The following PPM1E variants were observed in gnomAD, a reference collection of about 807,000 sequenced individuals.
PPM1E encodes protein phosphatase, Mg2+/Mn2+ dependent 1E.
PPM1E carries 20 observed loss-of-function variants against 65.9 expected under a neutral mutation model. That is an observed-to-expected ratio of 0.30 (90% CI 0.21 to 0.44). PPM1E has a LOEUF of 0.44. Among genes scored for constraint, PPM1E ranks in the 20% least tolerant of loss-of-function variants. The pLI, the probability that PPM1E is intolerant of heterozygous loss-of-function variation, is 1.00. For missense variants in PPM1E, 713 were observed against 953.1 expected (o/e 0.75, Z 3.32); for synonymous variants, 352 against 374.9 (o/e 0.94, Z 0.70).
Position 58,869,927 on chromosome 17 carries a change from G to T in PPM1E, c.465-85722G>T, listed in dbSNP as rs117849834. The stretch of plus-strand genomic sequence containing the variant: ...GATGAACGAATTGATATAAGTCAGA[G>T]AATCTGGGATTGAAAGTTTGAATGT... On this transcript the variant is annotated intron_variant, in intron 1 of 6. Coordinates refer to ENST00000308249, the MANE Select transcript of PPM1E (RefSeq NM_014906.5). Among the ~76,000 whole-genome samples the T allele has an allele frequency of 7.3e-3, 1,115 of 152,322 alleles. 5 individuals carry two copies. Among genetic ancestry groups the T allele is most frequent in the Admixed American group, 0.011 (174 of 15,300 alleles).
intron 1 of PPM1E, among the ~76,000 whole-genome samples, chr17:58,776,047 A>AT (rs2049991290): frequency 6.6e-6 from 1 of 151,916 alleles, no homozygotes. Flanking sequence ...AAATAAATAA[A>AT]AAATAAAGGC....
At chr17:58,909,924 C>CTTTTTTTTTTTTTTTTTTTTTTTT (rs35833275) in intron 1 of PPM1E, among the ~76,000 whole-genome samples, 3 of 90,038 alleles carry the variant, frequency 3.3e-5, no homozygotes, top group African/African-American at 4.4e-5. Flanking sequence ...TTTTCTTTTT[C>CTTTTTTTTTTTTTTTTTTTTTTTT]TTTTTTTTTT....
At chr17:58,883,207 C>T (rs763622685) in intron 1 of PPM1E, among the ~76,000 whole-genome samples, 29 of 151,910 alleles carry the variant, frequency 1.9e-4, no homozygotes, top group Non-Finnish European at 3.1e-4. Context: ...GATCCACCTG[C>T]CTTGGCCTCC....
At chr17:58,977,690 T>C (rs2031097880) in intron 6 of PPM1E, among the ~76,000 whole-genome samples, 1 of 152,182 alleles carries the variant, frequency 6.6e-6, no homozygotes, top group Non-Finnish European at 1.5e-5. Context: ...ATCCATAGGG[T>C]TCCTAATGAG....
At chr17:58,814,409 C>T (rs2050396619) in intron 1 of PPM1E, among the ~76,000 whole-genome samples, 1 of 152,176 alleles carries the variant, frequency 6.6e-6, no homozygotes, top group Admixed American at 6.5e-5. Flanking sequence ...CTTCTAACAA[C>T]AGCCAAGGGA....
At chr17:58,836,665 A>G (rs541910977) in intron 1 of PPM1E, among the ~76,000 whole-genome samples, 2 of 149,774 alleles carry the variant, frequency 1.3e-5, no homozygotes, top group South Asian at 2.2e-4. Flanking sequence ...GGGTTTCACC[A>G]TATTGGTCAG....
In PPM1E at chr17:58,982,724, G is replaced by T; in HGVS notation, c.*1693G>T. 1 of 520,664 alleles carries T rather than the reference G, an allele frequency of 1.9e-6. No homozygotes were observed. The highest frequency in any genetic ancestry group is 3.4e-5 in the South Asian group (1 of 29,200). 32.3% of individuals were successfully genotyped at this position (520,664 alleles called of 1,614,324 possible). On this transcript the variant is annotated 3_prime_UTR_variant, in exon 7 of 7. Coordinates refer to ENST00000308249, the MANE Select transcript of PPM1E (RefSeq NM_014906.5). ...AGACTTTCAGTATTTGTTTTCTCTT[G>T]ATTTTGAAGTCATTTCTTCTTCTCA... is the stretch of plus-strand genomic sequence containing the variant.
intron 1 of PPM1E, among the ~76,000 whole-genome samples, chr17:58,954,604 G>A (rs1312510447): frequency 2.0e-5 from 3 of 152,090 alleles, no homozygotes; most frequent in African/African-American, 4.8e-5. Context: ...TTGGCCAGGC[G>A]CAGTGGCTCA....
At chr17:58,893,558 C>T (rs539857066) in intron 1 of PPM1E, among the ~76,000 whole-genome samples, 56 of 152,286 alleles carry the variant, frequency 3.7e-4, no homozygotes, top group Non-Finnish European at 6.9e-4. Flanking sequence ...TCAAAACCCA[C>T]AGAACATTCA....
chr17:58,918,367 G>A (rs1441162174), intron 1 of PPM1E, among the ~76,000 whole-genome samples: 1 of 152,148 alleles, frequency 6.6e-6, no homozygotes, highest in Non-Finnish European at 1.5e-5. Flanking sequence ...CGATTACTTA[G>A]ATTACTAGAA....
At chr17:58,864,512 C>T (rs996153094) in intron 1 of PPM1E, among the ~76,000 whole-genome samples, 3 of 151,880 alleles carry the variant, frequency 2.0e-5, no homozygotes, top group Admixed American at 1.3e-4. Flanking sequence ...TGGTGGCTTG[C>T]GCCTGTAAGT....
rs1299691366 is a variant in PPM1E at position 58,873,778 on chromosome 17, T to G, written c.465-81871T>G. Reference sequence around the variant, plus strand: ...CCCAGCTAATTTTTTTTTTTTTTTTTGTAGAGATGGGATTTTGCCATGATG... The same window carrying G: ...CCCAGCTAATTTTTTTTTTTTTTTTGGTAGAGATGGGATTTTGCCATGATG... On this transcript the variant is annotated intron_variant, in intron 1 of 6. Coordinates refer to ENST00000308249, the MANE Select transcript of PPM1E (RefSeq NM_014906.5). 2.7e-5 allele frequency among the ~76,000 whole-genome samples: 4 copies of G among 149,290 alleles called. No homozygotes were observed. In the East Asian group the frequency reaches 5.8e-4, roughly 22 times the overall value.
chr17:58,895,172 A>G (rs1204856615), intron 1 of PPM1E, among the ~76,000 whole-genome samples: 1 of 152,208 alleles, frequency 6.6e-6, no homozygotes, highest in Non-Finnish European at 1.5e-5. Flanking sequence ...CCCATATAAG[A>G]CAGCGAACTT....
chr17:58,840,832 A>T lies in PPM1E; in HGVS notation c.464+84371A>T, dbSNP rs531247173. Reference sequence around the variant, plus strand: ...GGGCCAGCGTCATCAGTGGTAAAATAATTTGCTGAAACAGCTGTGAGTTAA... The same window carrying T: ...GGGCCAGCGTCATCAGTGGTAAAATTATTTGCTGAAACAGCTGTGAGTTAA... On this transcript the variant is annotated intron_variant, in intron 1 of 6. Transcript: ENST00000308249. Among the ~76,000 whole-genome samples the T allele has an allele frequency of 3.3e-4, 50 of 152,344 alleles. No homozygotes were observed. In the South Asian group the frequency reaches 1.0e-2, roughly 30 times the overall value.
rs761409476 is a variant in PPM1E, at chr17:58,756,071, C to T, written c.74C>T (p.Pro25Leu). Reference protein sequence around the residue: ...LELFLGEFRGPCGGGEPEPEP... With the variant: ...LELFLGEFRGLCGGGEPEPEP... ...CTATTCCTGGGCGAGTTTCGCGGAC[C>T]GTGCGGCGGCGGCGAGCCGGAGCCG... is the stretch of plus-strand genomic sequence containing the variant. Residue 25 changes from proline (P) to leucine (L), a missense_variant, in exon 1 of 7, where the codon CCG (proline) becomes CTG (leucine). Physicochemically the swap from Pro to Leu is moderately conservative, Grantham distance 98 (BLOSUM62 -3). Transcript: ENST00000308249. 2 of 1,612,544 alleles carry T rather than the reference C, an allele frequency of 1.2e-6. No homozygotes were observed. Among genetic ancestry groups the T allele is most frequent in the South Asian group, 1.1e-5 (1 of 90,980 alleles).
At chr17:58,830,041 G>A (rs1167280577) in intron 1 of PPM1E, among the ~76,000 whole-genome samples, 1 of 152,024 alleles carries the variant, frequency 6.6e-6, no homozygotes, top group East Asian at 1.9e-4. Flanking sequence ...CAGGCATGGT[G>A]GCCCATGCCT....
intron 2 of PPM1E, among the ~76,000 whole-genome samples, chr17:58,962,592 A>G (rs2030068011): frequency 6.6e-6 from 1 of 152,212 alleles, no homozygotes; most frequent in Non-Finnish European, 1.5e-5. Flanking sequence ...CAGTGATACA[A>G]GCAGGTAATT....
At chr17:58,870,500 T>C (rs1343729580) in intron 1 of PPM1E, among the ~76,000 whole-genome samples, 1 of 152,140 alleles carries the variant, frequency 6.6e-6, no homozygotes, top group African/African-American at 2.4e-5. Context: ...CCCAAGTAGT[T>C]CCCAGTGTTA....
chr17:58,825,586 A>G (rs1220328838), intron 1 of PPM1E, among the ~76,000 whole-genome samples: 1 of 151,902 alleles, frequency 6.6e-6, no homozygotes, highest in African/African-American at 2.4e-5. Flanking sequence ...TTGTTTGGAA[A>G]CAGAGTCTCA....
Sources: gnomAD v4.1 joint callset for allele counts (sites outside exome capture counted in the v4.1 genomes callset) on GRCh38, gnomAD v4.1.1 for gene constraint, MANE v1.5 for transcripts, NCBI Gene and HGNC (gene_info 2026-07-23, HGNC 2026-07-21) for gene names.